Variants in CNOT10 observed in about 807,000 individuals in gnomAD.
The protein encoded by CNOT10 is CCR4-NOT transcription complex subunit 10, also known as CCR4-NOT transcription complex, subunit 10.
In CNOT10, 30 loss-of-function variants were observed where a neutral mutation model predicts 94.6. That is an observed-to-expected ratio of 0.32 (90% CI 0.24 to 0.43). CNOT10 has a LOEUF of 0.43. CNOT10 is among the 20% of genes least tolerant of loss of function. CNOT10 has a pLI of 1.00. For missense variants in CNOT10, 759 were observed against 877.2 expected (o/e 0.87, Z 1.70); for synonymous variants, 289 against 301.6 (o/e 0.96, Z 0.43).
intron 10 of CNOT10, chr3:32,731,092 T>C (rs1370080122): frequency 1.3e-5 from 2 of 152,214 alleles, no homozygotes; most frequent in African/African-American, 2.4e-5. Context: ...CCATGTAAAT[T>C]GATTACCACA....
intron 3 of CNOT10, among the ~76,000 whole-genome samples, chr3:32,705,759 T>C (rs1267740359): frequency 1.3e-5 from 2 of 152,116 alleles, no homozygotes; most frequent in Non-Finnish European, 2.9e-5. Context: ...CATGAGACCT[T>C]TCCTGTAATC....
rs1448837083 is a variant in CNOT10 at position 32,704,928 on chromosome 3, A to G, written c.235A>G (p.Thr79Ala). ...VAEFFKSNQTTTDNLRQTLNQ... is the reference protein window; with the variant it reads ...VAEFFKSNQTATDNLRQTLNQ... Reference sequence around the variant, plus strand: ...TGAGTTTTTTAAAAGTAACCAAACAACAACAGATAATTTGAGACAAACACT... The same window carrying G: ...TGAGTTTTTTAAAAGTAACCAAACAGCAACAGATAATTTGAGACAAACACT... The change falls in exon 3 of 19, where the codon ACA becomes GCA. Residue 79 changes from threonine to alanine, a missense_variant. Physicochemically the swap from Thr to Ala is moderately conservative, Grantham distance 58. Coordinates refer to ENST00000328834, the MANE Select transcript of CNOT10 (RefSeq NM_015442.3). 4 of 1,556,158 alleles carry G rather than the reference A, an allele frequency of 2.6e-6. No homozygotes were observed. The highest frequency in any genetic ancestry group is 1.7e-4 in the Middle Eastern group (1 of 5,754).
At chr3:32,723,860 C>T (rs1698531452) in intron 8 of CNOT10, among the ~76,000 whole-genome samples, 1 of 152,136 alleles carries the variant, frequency 6.6e-6, no homozygotes. Context: ...GCAGGAGGAT[C>T]ACTTGATTCC....
At position 32,685,422 on chromosome 3, in the gene CNOT10, A is replaced by G. The variant is rs1696554277; in HGVS notation, c.-39A>G. On this transcript the variant is annotated 5_prime_UTR_variant, in exon 1 of 19. Transcript: ENST00000328834. ...CAGCCCGGCGGCGGGAGTCAGGGCC[A>G]CGCCACCTGCAGGGAAGAACCCGAG... The G allele has an allele frequency of 6.5e-7, 1 of 1,549,750 alleles. No individual in the cohort carries two copies. Among genetic ancestry groups the G allele is most frequent in the African/African-American group, 1.4e-5 (1 of 73,020 alleles).
At chr3:32,687,101 A>G (rs939791746) in intron 1 of CNOT10, among the ~76,000 whole-genome samples, 2 of 152,178 alleles carry the variant, frequency 1.3e-5, no homozygotes, top group Non-Finnish European at 1.5e-5. Context: ...CTGCTTTGAT[A>G]TAAGGTTAAA....
chr3:32,699,632 C>T (rs1697239918), intron 1 of CNOT10, among the ~76,000 whole-genome samples: 1 of 152,094 alleles, frequency 6.6e-6, no homozygotes. Flanking sequence ...TTCCCAGTAT[C>T]CTGGAAGGGG....
chr3:32,706,152 GTA>G (rs1181017769), intron 3 of CNOT10, among the ~76,000 whole-genome samples: 1 of 152,028 alleles, frequency 6.6e-6, no homozygotes, highest in Non-Finnish European at 1.5e-5. Flanking sequence ...TCATAAATTT[GTA>G]TGTCCTCACG....
chr3:32,755,049 C>A (rs1407541783), intron 13 of CNOT10, among the ~76,000 whole-genome samples: 2 of 151,302 alleles, frequency 1.3e-5, no homozygotes, highest in East Asian at 4.1e-4. Context: ...GAGTTCGAGA[C>A]CAGCCTGGCC....
chr3:32,756,535 T>TAA (rs1700231922), intron 13 of CNOT10, among the ~76,000 whole-genome samples: 1 of 152,086 alleles, frequency 6.6e-6, no homozygotes, highest in Non-Finnish European at 1.5e-5. Context: ...GAAGTGGGTC[T>TAA]TGTCCTAGAC....
chr3:32,770,988 T>C (rs1192715611), intron 18 of CNOT10, among the ~76,000 whole-genome samples: 4 of 151,992 alleles, frequency 2.6e-5, no homozygotes, highest in Non-Finnish European at 1.5e-5. Context: ...GCTGGGATTA[T>C]AGGCGTGAGC....
intron 13 of CNOT10, among the ~76,000 whole-genome samples, chr3:32,750,096 A>G (rs768419034): frequency 2.6e-5 from 4 of 152,078 alleles, no homozygotes; most frequent in Admixed American, 6.6e-5. Flanking sequence ...CTGTATTCCT[A>G]GCTACTTGGG....
chr3:32,705,351 A>G (rs1022134984), intron 3 of CNOT10, among the ~76,000 whole-genome samples: 3 of 152,204 alleles, frequency 2.0e-5, no homozygotes, highest in African/African-American at 7.2e-5. Context: ...TTGATTAAAT[A>G]GAAGATATTC....
chr3:32,697,036 T>C (rs1697105080), intron 1 of CNOT10, among the ~76,000 whole-genome samples: 1 of 151,384 alleles, frequency 6.6e-6, no homozygotes, highest in South Asian at 2.1e-4. Context: ...CTGCAGCCTC[T>C]GCCTTCCGGG....
intron 6 of CNOT10, 47 bp downstream of exon 6, chr3:32,716,358 G>C: frequency 1.1e-6 from 1 of 934,654 alleles, no homozygotes; most frequent in Non-Finnish European, 1.7e-6. Flanking sequence ...ATATTTAATT[G>C]TAGTTATGAC....
intron 12 of CNOT10, among the ~76,000 whole-genome samples, chr3:32,736,132 C>T (rs970869742): frequency 2.6e-5 from 4 of 152,036 alleles, no homozygotes; most frequent in African/African-American, 9.7e-5. Flanking sequence ...GTCACCCAGG[C>T]TGGAAAGCAG....
At position 32,734,780 on chromosome 3, in the gene CNOT10, T is replaced by G; in HGVS notation, c.1338-20T>G. 6.5e-7 allele frequency: 1 copy of G among 1,542,840 alleles called. No individual in the cohort carries two copies. The highest frequency in any genetic ancestry group is 8.8e-7 in the Non-Finnish European group (1 of 1,138,882). On this transcript the variant is annotated intron_variant, in intron 11 of 18. Coordinates refer to ENST00000328834, the MANE Select transcript of CNOT10 (RefSeq NM_015442.3). ...TAAAATATTTTATCCACTTAGCTAA[T>G]TTGGTTTTGTTCTTTTAAGTGATGG...
intron 1 of CNOT10, among the ~76,000 whole-genome samples, chr3:32,693,068 C>T (rs748566711): frequency 6.6e-6 from 1 of 152,072 alleles, no homozygotes; most frequent in Non-Finnish European, 1.5e-5. Flanking sequence ...AAAAGAATAG[C>T]TTTCCCATAT....
intron 11 of CNOT10, 58 bp from the exon 12 acceptor site, chr3:32,734,742 A>T: frequency 7.3e-7 from 1 of 1,363,808 alleles, no homozygotes; most frequent in Non-Finnish European, 1.0e-6. Flanking sequence ...CTCATAATAA[A>T]AGAGCCTTAT....
At chr3:32,710,418 C>G (rs187571011) in intron 4 of CNOT10, among the ~76,000 whole-genome samples, 2 of 151,946 alleles carry the variant, frequency 1.3e-5, no homozygotes, top group African/African-American at 4.8e-5. Flanking sequence ...CCATAGCCTC[C>G]CTCATTACCA....
Sources: allele counts gnomAD v4.1 joint callset (sites outside exome capture counted in the v4.1 genomes callset), GRCh38; gene constraint gnomAD v4.1.1; transcripts MANE v1.5; gene names NCBI Gene and HGNC (gene_info 2026-07-23, HGNC 2026-07-21).